TMEM117: variants seen among roughly 807,000 people sequenced by gnomAD.
TMEM117 encodes the protein transmembrane protein 117.
TMEM117 carries 27 observed loss-of-function variants against 52.4 expected under a neutral mutation model. The observed-to-expected ratio is 0.51, with a 90% CI of 0.38 to 0.71. The LOEUF is 0.71. Ranked by LOEUF, TMEM117 falls within the 30% of genes least tolerant of loss-of-function variation. The pLI, the probability that TMEM117 is intolerant of heterozygous loss-of-function variation, is 0.00. For synonymous variants in TMEM117, 215 were observed against 206.3 expected (o/e 1.04, Z -0.36); for missense variants, 556 against 630.5 (o/e 0.88, Z 1.26).
chr12:44,298,306 C>T (rs840768), intron 5 of TMEM117, among the ~76,000 whole-genome samples: 29,145 of 150,224 alleles, frequency 0.19, 5,715 homozygotes, highest in African/African-American at 0.46. Flanking sequence ...ATTGCCAAAA[C>T]GGATATGTGT....
intron 3 of TMEM117, among the ~76,000 whole-genome samples, chr12:44,069,882 T>C (rs1947275704): frequency 6.6e-6 from 1 of 152,134 alleles, no homozygotes; most frequent in South Asian, 2.1e-4. Flanking sequence ...TTTGTTGTTG[T>C]TGTTGTTGTT....
chr12:43,810,359 A>G, the TMEM117 span, among the ~76,000 whole-genome samples: 1 of 152,162 alleles, frequency 6.6e-6, no homozygotes, highest in Non-Finnish European at 1.5e-5. Flanking sequence ...TAGTGATGCT[A>G]ATTAACACCC....
intron 6 of TMEM117, among the ~76,000 whole-genome samples, chr12:44,343,585 T>G (rs1369000461): frequency 6.6e-6 from 1 of 151,976 alleles, no homozygotes; most frequent in African/African-American, 2.4e-5. Flanking sequence ...GGGGACTTGT[T>G]TAATGGGTAT....
chr12:44,037,385 T>C (rs911781433), intron 3 of TMEM117, among the ~76,000 whole-genome samples: 3 of 152,082 alleles, frequency 2.0e-5, no homozygotes, highest in Non-Finnish European at 2.9e-5. Context: ...TCAAGCAAAC[T>C]TGAGGCTGAG....
chr12:43,850,488 T>C (rs1052000666), intron 2 of TMEM117, among the ~76,000 whole-genome samples: 1 of 152,216 alleles, frequency 6.6e-6, no homozygotes, highest in African/African-American at 2.4e-5. Flanking sequence ...TTATCTCATG[T>C]CCCAGTGTTT....
At chr12:44,062,244 C>G (rs186280194) in intron 3 of TMEM117, among the ~76,000 whole-genome samples, 24 of 152,244 alleles carry the variant, frequency 1.6e-4, no homozygotes, top group Non-Finnish European at 3.1e-4. Flanking sequence ...TTGCCACTTG[C>G]ATTAGAAGTA....
At chr12:44,281,579 CT>C (rs1439775501) in intron 5 of TMEM117, among the ~76,000 whole-genome samples, 35 of 152,254 alleles carry the variant, frequency 2.3e-4, no homozygotes, top group African/African-American at 8.4e-4. Context: ...ATAAAACATG[CT>C]TTTGTCCTGT....
intron 6 of TMEM117, among the ~76,000 whole-genome samples, chr12:44,366,898 G>A (rs1239349912): frequency 1.3e-5 from 2 of 152,052 alleles, no homozygotes; most frequent in African/African-American, 2.4e-5. Flanking sequence ...AAGAGTGTTG[G>A]TCAGAATATT....
intron 5 of TMEM117, among the ~76,000 whole-genome samples, chr12:44,220,020 C>T (rs897484364): frequency 2.0e-5 from 3 of 152,088 alleles, no homozygotes; most frequent in Non-Finnish European, 2.9e-5. Flanking sequence ...CATGCTCATT[C>T]CATAGAACAC....
At chr12:43,865,287 AAGT>A in intron 2 of TMEM117, among the ~76,000 whole-genome samples, 1 of 152,146 alleles carries the variant, frequency 6.6e-6, no homozygotes, top group Admixed American at 6.5e-5. Context: ...AGGATTGGTA[AAGT>A]CCTTCTAACT....
chr12:43,923,059 G>T (rs1347585529), intron 2 of TMEM117, among the ~76,000 whole-genome samples: 1 of 152,160 alleles, frequency 6.6e-6, no homozygotes, highest in East Asian at 1.9e-4. Context: ...TTGGAGTGCT[G>T]CCAGGAGAGA....
intron 5 of TMEM117, among the ~76,000 whole-genome samples, chr12:44,279,644 G>A (rs1950554300): frequency 6.6e-6 from 1 of 151,750 alleles, no homozygotes; most frequent in Non-Finnish European, 1.5e-5. Flanking sequence ...CTCCTGAGAA[G>A]CTGAGATTAC....
intron 2 of TMEM117, among the ~76,000 whole-genome samples, chr12:43,890,457 G>A (rs1180104882): frequency 2.0e-5 from 3 of 151,996 alleles, no homozygotes; most frequent in Non-Finnish European, 4.4e-5. Context: ...GACAAAAGTA[G>A]CATCTTTCTT....
At chr12:44,233,368 A>G (rs1949956145) in intron 5 of TMEM117, among the ~76,000 whole-genome samples, 1 of 151,272 alleles carries the variant, frequency 6.6e-6, no homozygotes, top group Non-Finnish European at 1.5e-5. Flanking sequence ...ATTTCAGTTA[A>G]TATAGTAAAT....
At chr12:43,924,183 C>T (rs1473796862) in intron 2 of TMEM117, among the ~76,000 whole-genome samples, 1 of 152,124 alleles carries the variant, frequency 6.6e-6, no homozygotes, top group Admixed American at 6.6e-5. Flanking sequence ...TGTGGTGTGG[C>T]TCCTTGTCTA....
At chr12:43,887,807 G>A (rs1023235945) in intron 2 of TMEM117, among the ~76,000 whole-genome samples, 38 of 152,316 alleles carry the variant, frequency 2.5e-4, no homozygotes, top group African/African-American at 8.9e-4. Flanking sequence ...CAACAGTGAT[G>A]AGAAGACAGA....
At chr12:44,155,217 G>A (rs1486256038) in intron 4 of TMEM117, among the ~76,000 whole-genome samples, 1 of 152,030 alleles carries the variant, frequency 6.6e-6, no homozygotes. Context: ...AAACCCCACT[G>A]AGGGTCTCTC....
At chr12:44,178,991 T>G (rs1592583526) in intron 4 of TMEM117, among the ~76,000 whole-genome samples, 1 of 152,020 alleles carries the variant, frequency 6.6e-6, no homozygotes, top group South Asian at 2.1e-4. Context: ...GTCAGGAGTT[T>G]GAGACCAGCC....
upstream of TMEM117, among the ~76,000 whole-genome samples, chr12:43,832,785 T>C (rs1942990152): frequency 6.6e-6 from 1 of 152,224 alleles, no homozygotes. Flanking sequence ...AGATCTTGAA[T>C]GAACTACTCA....
Sources: allele counts gnomAD v4.1 joint callset (sites outside exome capture counted in the v4.1 genomes callset), GRCh38; gene constraint gnomAD v4.1.1; transcripts MANE v1.5; gene names NCBI Gene and HGNC (gene_info 2026-07-23, HGNC 2026-07-21).